The following VDAC1 variants were observed in gnomAD, a reference collection of about 807,000 sequenced individuals.
VDAC1 encodes non-selective voltage-gated ion channel VDAC1.
Under a neutral mutation model 34.7 loss-of-function variants are expected in VDAC1, and 10 were observed. The ratio of observed to expected loss-of-function variants is 0.29; its 90% CI spans 0.18 to 0.49. VDAC1 has a LOEUF of 0.49. Ranked by LOEUF, VDAC1 falls within the 20% of genes least tolerant of loss-of-function variation. The probability of loss-of-function intolerance (pLI) is 0.99; values close to 1 mark genes in which losing one functional copy is unlikely to be tolerated. For synonymous variants in VDAC1, 130 were observed against 136.0 expected (o/e 0.96, Z 0.30); for missense variants, 230 against 347.9 (o/e 0.66, Z 2.69).
At chr5:134,006,221 C>A (rs1753746738), upstream of VDAC1, among the ~76,000 whole-genome samples, 1 of 152,134 alleles carries the variant, frequency 6.6e-6, no homozygotes, top group Non-Finnish European at 1.5e-5. Flanking sequence ...CCCAGGCGCA[C>A]GAGTTGCCTG....
At chr5:134,105,770 C>A in the VDAC1 span, among the ~76,000 whole-genome samples, 1 of 152,264 alleles carries the variant, frequency 6.6e-6, no homozygotes, top group Non-Finnish European at 1.5e-5. Context: ...GGTGGCCCTG[C>A]TCCCTTGGCA....
the VDAC1 span, among the ~76,000 whole-genome samples, chr5:134,105,521 A>G: frequency 0.026 from 3,931 of 152,334 alleles, 174 homozygotes; most frequent in African/African-American, 0.089. Context: ...TTCTCGCTAC[A>G]TGAGTGTTCC....
chr5:134,025,902 C>A, the VDAC1 span, among the ~76,000 whole-genome samples: 1 of 152,188 alleles, frequency 6.6e-6, no homozygotes, highest in African/African-American at 2.4e-5. Context: ...TCTGGCCCAG[C>A]CTCTACTGGG....
At chr5:134,074,305 AAAATAAATAAATAAATAAATAAATAAAT>A in the VDAC1 span, among the ~76,000 whole-genome samples, 1 of 136,700 alleles carries the variant, frequency 7.3e-6, no homozygotes, top group African/African-American at 2.8e-5. Flanking sequence ...ACTCCATCTC[AAAATAAATAAATAAATAAATAAATAAAT>A]AAATAAATAA....
At chr5:134,051,431 G>A in the VDAC1 span, among the ~76,000 whole-genome samples, 1 of 152,214 alleles carries the variant, frequency 6.6e-6, no homozygotes, top group Non-Finnish European at 1.5e-5. Flanking sequence ...AGAGTCACTT[G>A]CATTTTGGTT....
At chr5:134,098,056 G>C in the VDAC1 span, among the ~76,000 whole-genome samples, 3 of 151,670 alleles carry the variant, frequency 2.0e-5, no homozygotes, top group Admixed American at 2.0e-4. Flanking sequence ...TTTTAGTAGA[G>C]AACGGGGTTT....
At chr5:134,051,973 C>T in the VDAC1 span, among the ~76,000 whole-genome samples, 2 of 152,114 alleles carry the variant, frequency 1.3e-5, no homozygotes, top group Non-Finnish European at 2.9e-5. Flanking sequence ...GCTGGGATTA[C>T]AGGGGTGAGC....
the VDAC1 span, among the ~76,000 whole-genome samples, chr5:134,085,722 TAAAAAAAAAAAAAAAAA>T: frequency 4.5e-5 from 2 of 44,224 alleles, no homozygotes; most frequent in Non-Finnish European, 7.4e-5. Context: ...ACCCCATTTC[TAAAAAAAAAAAAAAAAA>T]AAAAAAAAAA....
At chr5:134,015,236 C>T in the VDAC1 span, among the ~76,000 whole-genome samples, 2 of 151,442 alleles carry the variant, frequency 1.3e-5, no homozygotes, top group Non-Finnish European at 2.9e-5. Context: ...GAGAGGGGGG[C>T]AAGGGTTGAA....
At chr5:134,058,180 G>A in the VDAC1 span, among the ~76,000 whole-genome samples, 5 of 152,022 alleles carry the variant, frequency 3.3e-5, no homozygotes, top group Admixed American at 2.6e-4. Context: ...GAGCCACCAC[G>A]CCCAGTTGCT....
chr5:134,107,580 G>A, the VDAC1 span, among the ~76,000 whole-genome samples: 1 of 152,214 alleles, frequency 6.6e-6, no homozygotes, highest in African/African-American at 2.4e-5. Flanking sequence ...CAGGATTCCT[G>A]GTGCCCTCCC....
At chr5:134,085,151 C>T in the VDAC1 span, among the ~76,000 whole-genome samples, 80 of 151,916 alleles carry the variant, frequency 5.3e-4, no homozygotes, top group African/African-American at 1.9e-3. Context: ...TCACTGCAAG[C>T]TCCGCCTCCC....
chr5:133,983,268 A>G (rs1433730169), intron 5 of VDAC1, among the ~76,000 whole-genome samples: 1 of 151,760 alleles, frequency 6.6e-6, no homozygotes, highest in African/African-American at 2.4e-5. Context: ...AAAAAAAGAA[A>G]AAGAAATGAT....
the VDAC1 span, among the ~76,000 whole-genome samples, chr5:134,113,834 C>T: frequency 3.6e-4 from 55 of 152,366 alleles, no homozygotes; most frequent in African/African-American, 1.2e-3. Flanking sequence ...ACTTCAGAGT[C>T]ATGGGCTCCC....
At chr5:134,036,680 G>A in the VDAC1 span, among the ~76,000 whole-genome samples, 27 of 150,292 alleles carry the variant, frequency 1.8e-4, no homozygotes, top group African/African-American at 5.1e-4. Context: ...AAGGCCGGGT[G>A]TGGTGGCTCA....
At chr5:133,994,683 T>G (rs1449173442) in intron 1 of VDAC1, among the ~76,000 whole-genome samples, 1 of 152,046 alleles carries the variant, frequency 6.6e-6, no homozygotes, top group Non-Finnish European at 1.5e-5. Context: ...CAACTCTGGA[T>G]TGAAAGCTGA....
chr5:134,067,633 G>A, the VDAC1 span, among the ~76,000 whole-genome samples: 2 of 133,864 alleles, frequency 1.5e-5, no homozygotes, highest in Non-Finnish European at 1.6e-5. Flanking sequence ...GAAGGAGGAG[G>A]AGAAGGAGAA....
the VDAC1 span, among the ~76,000 whole-genome samples, chr5:134,065,379 C>G: frequency 6.3e-5 from 9 of 141,794 alleles, no homozygotes; most frequent in Non-Finnish European, 1.2e-4. Context: ...TCTCACTCTA[C>G]CATTCAGGCT....
At chr5:133,986,557 CA>C (rs1432590075) in intron 5 of VDAC1, among the ~76,000 whole-genome samples, 1 of 152,026 alleles carries the variant, frequency 6.6e-6, no homozygotes, top group Non-Finnish European at 1.5e-5. Flanking sequence ...CCACCACACC[CA>C]GCTAATTTTT....
Sources: gnomAD v4.1 joint callset for allele counts (sites outside exome capture counted in the v4.1 genomes callset) on GRCh38, gnomAD v4.1.1 for gene constraint, MANE v1.5 for transcripts, NCBI Gene and HGNC (gene_info 2026-07-23, HGNC 2026-07-21) for gene names.